Variants in SH3GL2 observed in about 807,000 individuals in gnomAD.
The protein encoded by SH3GL2 is SH3 domain containing GRB2 like 2, endophilin A1.
Under a neutral mutation model 46.0 loss-of-function variants are expected in SH3GL2, and 24 were observed. The observed-to-expected ratio is 0.52, with a 90% CI of 0.38 to 0.73. The LOEUF is 0.73. SH3GL2 is among the 30% of genes least tolerant of loss of function. SH3GL2 has a pLI of 0.00. For synonymous variants in SH3GL2, 196 were observed against 147.1 expected, an observed-to-expected ratio of 1.33 and a Z score of -2.40; for missense variants, 413 against 424.2, an observed-to-expected ratio of 0.97 and a Z score of 0.23.
At chr9:17,786,747 G>T (rs190398749) in intron 4 of SH3GL2, among the ~76,000 whole-genome samples, 3 of 151,824 alleles carry the variant, frequency 2.0e-5, no homozygotes, top group African/African-American at 7.3e-5. Context: ...TAAGACCTCA[G>T]TCTTTACAAC....
intron 1 of SH3GL2, among the ~76,000 whole-genome samples, chr9:17,723,074 A>C (rs1207970255): frequency 1.3e-5 from 2 of 152,172 alleles, no homozygotes; most frequent in African/African-American, 4.8e-5. Context: ...ACAGAAAACA[A>C]AACAGAAAAA....
chr9:17,636,005 C>T (rs1819534276), intron 1 of SH3GL2, among the ~76,000 whole-genome samples: 1 of 152,178 alleles, frequency 6.6e-6, no homozygotes, highest in Non-Finnish European at 1.5e-5. Flanking sequence ...TATTCAAGTA[C>T]AGCCACACTG....
chr9:17,731,509 T>G (rs1372075275), intron 1 of SH3GL2, among the ~76,000 whole-genome samples: 1 of 151,056 alleles, frequency 6.6e-6, no homozygotes, highest in Non-Finnish European at 1.5e-5. Context: ...AGAGGAAGGT[T>G]TATGTGAGGA....
intron 1 of SH3GL2, among the ~76,000 whole-genome samples, chr9:17,743,890 C>T (rs774858760): frequency 2.0e-5 from 3 of 152,188 alleles, no homozygotes; most frequent in East Asian, 1.9e-4. Context: ...CCAGGATTCT[C>T]TATTAATGAA....
chr9:17,618,403 G>A (rs1819055452), intron 1 of SH3GL2, among the ~76,000 whole-genome samples: 1 of 152,200 alleles, frequency 6.6e-6, no homozygotes, highest in Non-Finnish European at 1.5e-5. Flanking sequence ...AGGAGCATAA[G>A]TGAGCCATGT....
At chr9:17,679,180 T>A (rs1023036675) in intron 1 of SH3GL2, among the ~76,000 whole-genome samples, 1 of 152,170 alleles carries the variant, frequency 6.6e-6, no homozygotes, top group Admixed American at 6.5e-5. Context: ...AAGTCATTGG[T>A]AGCTTGATGG....
rs566550145 is a variant in SH3GL2 at position 17,601,893 on chromosome 9, C to G, written c.45+22606C>G. Among the ~76,000 whole-genome samples the G allele has an allele frequency of 3.3e-4, 50 of 152,154 alleles. No individual in the cohort carries two copies. In the South Asian group the frequency reaches 5.6e-3, roughly 17 times the overall value. On this transcript the variant is annotated intron_variant, in intron 1 of 8. Coordinates refer to ENST00000380607, the MANE Select transcript of SH3GL2 (RefSeq NM_003026.5). ...GCTGCCAAATAGGTAAAAGTAATTA[C>G]AATTCTGGTAGTATGAAAGAGAAAT...
intron 1 of SH3GL2, among the ~76,000 whole-genome samples, chr9:17,741,281 C>T (rs1822522260): frequency 6.6e-6 from 1 of 152,138 alleles, no homozygotes; most frequent in Non-Finnish European, 1.5e-5. Context: ...CACAAAAACA[C>T]ATTTGCCTAC....
chr9:17,637,132 G>A (rs1819560284), intron 1 of SH3GL2, among the ~76,000 whole-genome samples: 2 of 152,298 alleles, frequency 1.3e-5, no homozygotes, highest in Admixed American at 6.5e-5. Flanking sequence ...GTAAATGGTG[G>A]TATCTTGGTT....
intron 3 of SH3GL2, among the ~76,000 whole-genome samples, chr9:17,769,020 T>C (rs936705550): frequency 2.6e-5 from 4 of 152,188 alleles, no homozygotes; most frequent in South Asian, 4.1e-4. Flanking sequence ...TCATGGGGCC[T>C]GGCCAGCCCC....
At chr9:17,750,388 T>G (rs747906802) in intron 2 of SH3GL2, among the ~76,000 whole-genome samples, 1 of 152,094 alleles carries the variant, frequency 6.6e-6, no homozygotes, top group Non-Finnish European at 1.5e-5. Flanking sequence ...GAAGTGGGTT[T>G]TCCTAGGGGT....
At chr9:17,627,848 GT>G (rs1819318289) in intron 1 of SH3GL2, among the ~76,000 whole-genome samples, 1 of 152,164 alleles carries the variant, frequency 6.6e-6, no homozygotes, top group Non-Finnish European at 1.5e-5. Flanking sequence ...CATGGGGATT[GT>G]TTATTTTTAC....
chr9:17,669,488 T>C (rs900172562), intron 1 of SH3GL2, among the ~76,000 whole-genome samples: 20 of 152,306 alleles, frequency 1.3e-4, no homozygotes, highest in African/African-American at 4.8e-4. Context: ...TGTAATTTTG[T>C]CATTTTAGTG....
At chr9:17,664,194 G>C (rs79931287) in intron 1 of SH3GL2, among the ~76,000 whole-genome samples, 1 of 152,092 alleles carries the variant, frequency 6.6e-6, no homozygotes, top group Non-Finnish European at 1.5e-5. Context: ...TAAAAATCTC[G>C]AACTAAAACA....
chr9:17,640,956 A>T (rs1819666518), intron 1 of SH3GL2, among the ~76,000 whole-genome samples: 1 of 152,188 alleles, frequency 6.6e-6, no homozygotes, highest in Admixed American at 6.5e-5. Context: ...AAGCTTCCTG[A>T]TAGAGATTAT....
intron 1 of SH3GL2, among the ~76,000 whole-genome samples, chr9:17,616,270 G>C (rs1349566007): frequency 6.6e-6 from 1 of 152,230 alleles, no homozygotes; most frequent in Admixed American, 6.5e-5. Context: ...AAAGAAGCAT[G>C]ATGACTTTTG....
At chr9:17,621,691 G>T (rs1250986941) in intron 1 of SH3GL2, among the ~76,000 whole-genome samples, 1 of 152,168 alleles carries the variant, frequency 6.6e-6, no homozygotes, top group African/African-American at 2.4e-5. Flanking sequence ...GGGCACCTAG[G>T]ACTCACTAAA....
intron 3 of SH3GL2, among the ~76,000 whole-genome samples, chr9:17,780,231 C>G (rs1051836063): frequency 6.6e-6 from 1 of 152,142 alleles, no homozygotes; most frequent in Non-Finnish European, 1.5e-5. Context: ...TCCACAGATC[C>G]TAGCTGCCCT....
chr9:17,784,809 C>G (rs1478536800), intron 3 of SH3GL2, among the ~76,000 whole-genome samples: 2 of 152,178 alleles, frequency 1.3e-5, no homozygotes, highest in Non-Finnish European at 2.9e-5. Context: ...AACTCCTGGC[C>G]TTGAGCAATC....
Sources: gnomAD v4.1 joint callset for allele counts (sites outside exome capture counted in the v4.1 genomes callset) on GRCh38, gnomAD v4.1.1 for gene constraint, MANE v1.5 for transcripts, NCBI Gene and HGNC (gene_info 2026-07-23, HGNC 2026-07-21) for gene names.